SEC22A: variants seen among roughly 807,000 people sequenced by gnomAD.
The protein encoded by SEC22A is SEC22 homolog A, vesicle trafficking protein, also known as vesicle-trafficking protein SEC22a.
SEC22A carries 22 observed loss-of-function variants against 35.3 expected under a neutral mutation model. That is an observed-to-expected ratio of 0.62 (90% CI 0.45 to 0.89). The LOEUF (loss-of-function observed/expected upper bound fraction) is 0.89, where lower values mean the gene tolerates loss of function less well. SEC22A is among the 40% of genes least tolerant of loss of function. The pLI is 0.00. For synonymous variants in SEC22A, 119 were observed against 129.5 expected, an observed-to-expected ratio of 0.92 and a Z score of 0.55; for missense variants, 354 against 362.5, an observed-to-expected ratio of 0.98 and a Z score of 0.19.
intron 5 of SEC22A, among the ~76,000 whole-genome samples, chr3:123,247,797 A>C (rs1019422088): frequency 2.2e-4 from 33 of 152,220 alleles, no homozygotes; most frequent in African/African-American, 8.0e-4. Context: ...ACAGACCATG[A>C]ATATTGATAC....
chr3:123,245,342 G>A (rs956280572), intron 4 of SEC22A, among the ~76,000 whole-genome samples: 6 of 152,102 alleles, frequency 3.9e-5, no homozygotes, highest in South Asian at 4.1e-4. Context: ...ATTTACTGCC[G>A]GTTGTGAGCA....
intron 4 of SEC22A, among the ~76,000 whole-genome samples, chr3:123,245,521 T>C (rs1937559056): frequency 6.6e-6 from 1 of 150,792 alleles, no homozygotes; most frequent in Admixed American, 6.6e-5. Context: ...ATAGTGAGAC[T>C]CTGTCTCTAT....
At chr3:123,216,970 G>A (rs1402212061) in intron 2 of SEC22A, among the ~76,000 whole-genome samples, 1 of 151,890 alleles carries the variant, frequency 6.6e-6, no homozygotes, top group Non-Finnish European at 1.5e-5. Flanking sequence ...GTGACTATGG[G>A]TGTGCATCAC....
intron 5 of SEC22A, among the ~76,000 whole-genome samples, chr3:123,256,763 T>C (rs1937741175): frequency 6.8e-6 from 1 of 147,302 alleles, no homozygotes; most frequent in Non-Finnish European, 1.5e-5. Context: ...CTTTCCTTTT[T>C]TTTTTTTTTT....
At chr3:123,258,289 G>A in intron 5 of SEC22A, among the ~76,000 whole-genome samples, 1 of 151,930 alleles carries the variant, frequency 6.6e-6, no homozygotes, top group Non-Finnish European at 1.5e-5. Context: ...ACATGAAAGG[G>A]TTGGCAGTAA....
At chr3:123,239,376 A>G (rs961660839) in intron 4 of SEC22A, among the ~76,000 whole-genome samples, 6 of 152,106 alleles carry the variant, frequency 3.9e-5, no homozygotes, top group East Asian at 1.9e-4. Context: ...TACATGTGCT[A>G]TGCTGGTGTG....
chr3:123,219,227 G>A lies in SEC22A; in HGVS notation c.183-4332G>A, dbSNP rs1403411109. On this transcript the variant is annotated intron_variant, in intron 2 of 6. Transcript: ENST00000492595. ...CTGAAATAAGGCCAGTGGGTGGCTG[G>A]AATGTAGAGAGGGAGGAGTAAAGAT... 2.6e-5 allele frequency among the ~76,000 whole-genome samples: 4 copies of A among 152,172 alleles called. No homozygotes were observed. The South Asian group carries it at 8.3e-4, about 32-fold the overall frequency.
chr3:123,225,044 A>G, intron 3 of SEC22A, 59 bp from the exon 4 acceptor site: 12 of 1,119,432 alleles, frequency 1.1e-5, no homozygotes, highest in Non-Finnish European at 1.6e-5. Context: ...TAAACATCAT[A>G]TTCTGAAATG....
At chr3:123,244,412 G>A (rs1026370300) in intron 4 of SEC22A, among the ~76,000 whole-genome samples, 8 of 152,128 alleles carry the variant, frequency 5.3e-5, no homozygotes, top group Non-Finnish European at 1.0e-4. Context: ...AGGCTTTTAT[G>A]CCTTTAAATG....
At chr3:123,229,803 C>T (rs566282100) in intron 4 of SEC22A, among the ~76,000 whole-genome samples, 23 of 151,604 alleles carry the variant, frequency 1.5e-4, no homozygotes, top group Middle Eastern at 3.4e-3. Context: ...CGGAGATTGC[C>T]GTGAGCCGAG....
At chr3:123,248,472 T>C (rs960962533) in intron 5 of SEC22A, among the ~76,000 whole-genome samples, 2 of 152,096 alleles carry the variant, frequency 1.3e-5, no homozygotes, top group African/African-American at 4.8e-5. Flanking sequence ...AAAAATATAA[T>C]ACCATTTATA....
intron 6 of SEC22A, among the ~76,000 whole-genome samples, chr3:123,265,208 G>A (rs1218326040): frequency 6.6e-6 from 1 of 152,164 alleles, no homozygotes; most frequent in African/African-American, 2.4e-5. Context: ...ACAAGAGGAT[G>A]TGCATAAGTT....
At position 123,266,114 on chromosome 3, in the gene SEC22A, T is replaced by G. The variant is rs572392982; in HGVS notation, c.724-5408T>G. 2.6e-5 allele frequency among the ~76,000 whole-genome samples: 4 copies of G among 152,286 alleles called. No individual in the cohort carries two copies. In the South Asian group the frequency reaches 8.3e-4, roughly 32 times the overall value. ...TGGTTGTAGTATTCTCTTACTGGCC[T>G]TTTGATGTCTGCAGGGTCTGTAGTG... On this transcript the variant is annotated intron_variant, in intron 6 of 6. Transcript: ENST00000492595.
intron 2 of SEC22A, among the ~76,000 whole-genome samples, chr3:123,219,109 A>G (rs1178283503): frequency 6.6e-6 from 1 of 152,220 alleles, no homozygotes; most frequent in Non-Finnish European, 1.5e-5. Context: ...TAGCCAGTTC[A>G]GAATTGGAGC....
At chr3:123,268,724 A>G (rs1938080161) in intron 6 of SEC22A, among the ~76,000 whole-genome samples, 1 of 152,220 alleles carries the variant, frequency 6.6e-6, no homozygotes. Flanking sequence ...TATCTAATAT[A>G]TGATTCCTAT....
chr3:123,242,366 C>T (rs556137637), intron 4 of SEC22A, among the ~76,000 whole-genome samples: 1 of 152,302 alleles, frequency 6.6e-6, no homozygotes, highest in South Asian at 2.1e-4. Context: ...TCAGTACTCT[C>T]ATCTTTCCGA....
intron 2 of SEC22A, among the ~76,000 whole-genome samples, 199 bp from the exon 3 acceptor site, chr3:123,223,360 T>G (rs1937162863): frequency 6.6e-6 from 1 of 152,252 alleles, no homozygotes; most frequent in East Asian, 1.9e-4. Flanking sequence ...TTCTATTTTT[T>G]GTCTTCTGTT....
At chr3:123,248,596 T>C (rs1170542033) in intron 5 of SEC22A, among the ~76,000 whole-genome samples, 1 of 152,192 alleles carries the variant, frequency 6.6e-6, no homozygotes, top group Non-Finnish European at 1.5e-5. Context: ...TCTAAATAAA[T>C]GGAGAGATAT....
chr3:123,245,061 C>T (rs1937555376), intron 4 of SEC22A, among the ~76,000 whole-genome samples: 1 of 152,150 alleles, frequency 6.6e-6, no homozygotes, highest in Admixed American at 6.6e-5. Flanking sequence ...CCAGGAACTT[C>T]ATAGCTATAA....
Sources: allele counts gnomAD v4.1 joint callset (sites outside exome capture counted in the v4.1 genomes callset), GRCh38; gene constraint gnomAD v4.1.1; transcripts MANE v1.5; gene names NCBI Gene and HGNC (gene_info 2026-07-23, HGNC 2026-07-21).